Variants in SPDYE3 observed in about 807,000 individuals in gnomAD.
SPDYE3 encodes speedy protein E3.
SPDYE3 carries 15 observed loss-of-function variants against 55.0 expected under a neutral mutation model. The observed-to-expected ratio is 0.27, with a 90% CI of 0.18 to 0.42. The LOEUF (loss-of-function observed/expected upper bound fraction) is 0.42. Among genes scored for constraint, SPDYE3 ranks in the 10% least tolerant of loss-of-function variants. SPDYE3 has a pLI of 1.00. For missense variants in SPDYE3, 236 were observed against 576.7 expected, an observed-to-expected ratio of 0.41 and a Z score of 6.05; for synonymous variants, 89 against 229.9, an observed-to-expected ratio of 0.39 and a Z score of 5.55.
intron 8 of SPDYE3, among the ~76,000 whole-genome samples, chr7:100,317,975 C>CAA (rs1159920205): frequency 1.6e-3 from 68 of 43,412 alleles, no homozygotes; most frequent in African/African-American, 3.8e-3. Context: ...GACTCCGTCT[C>CAA]AAAAAAAAAA....
chr7:100,316,933 CAT>C, intron 7 of SPDYE3, 135 bp from the exon 8 acceptor site: 1 of 1,211,374 alleles, frequency 8.3e-7, no homozygotes, highest in Non-Finnish European at 1.2e-6. Context: ...GCAATTTCCA[CAT>C]GAGCACAGTC....
intron 3 of SPDYE3, among the ~76,000 whole-genome samples, chr7:100,311,526 C>T (rs1193821208): frequency 2.2e-5 from 3 of 138,242 alleles, no homozygotes; most frequent in Non-Finnish European, 4.7e-5. Flanking sequence ...AGCCAGGGAC[C>T]AGGGAAGGAT....
At chr7:100,316,025 G>A (rs1450003309) in intron 7 of SPDYE3, among the ~76,000 whole-genome samples, 182 bp downstream of exon 7, 1 of 151,974 alleles carries the variant, frequency 6.6e-6, no homozygotes, top group Non-Finnish European at 1.5e-5. Flanking sequence ...AGGCTGGAGG[G>A]CAGTGTCTCG....
rs1291745274 is a variant in SPDYE3 at position 100,307,770 on chromosome 7, C to T, written c.-116C>T. On this transcript the variant is annotated 5_prime_UTR_variant, in exon 1 of 11. Coordinates refer to ENST00000332397, the MANE Select transcript of SPDYE3 (RefSeq NM_001004351.5). ...CAGAGCTGTTCTCCACTCCTGACTT[C>T]TCCCAGCCTCGAGAATTGATAACAC... 9 of 1,428,358 alleles carry T rather than the reference C, an allele frequency of 6.3e-6. No individual in the cohort carries two copies. Among genetic ancestry groups the T allele is most frequent in the Non-Finnish European group, 8.3e-6 (9 of 1,081,468 alleles). The allele number at this position is 1,428,358 out of a possible 1,614,324, so 88.5% of individuals were successfully genotyped here.
At chr7:100,311,458 C>G (rs1416923677) in intron 3 of SPDYE3, among the ~76,000 whole-genome samples, 3 of 134,482 alleles carry the variant, frequency 2.2e-5, no homozygotes, top group Non-Finnish European at 4.8e-5. Context: ...TACACTCCAG[C>G]CTGGGTGACA....
intron 1 of SPDYE3, 67 bp downstream of exon 1, chr7:100,308,058 G>C (rs1393475731): frequency 1.3e-6 from 2 of 1,485,636 alleles, no homozygotes; most frequent in African/African-American, 2.8e-5. Flanking sequence ...GGCCAGGTGC[G>C]GTAGCTCACC....
chr7:100,316,620 C>G (rs1232174626), intron 7 of SPDYE3, among the ~76,000 whole-genome samples: 2 of 152,174 alleles, frequency 1.3e-5, no homozygotes, highest in Admixed American at 6.5e-5. Flanking sequence ...TTGTCAGCAT[C>G]TCCCTCAGGA....
chr7:100,319,918 T>C lies in SPDYE3; in HGVS notation c.1591-13T>C. 1 of 1,612,850 alleles carries C rather than the reference T, an allele frequency of 6.2e-7. No homozygotes were observed. The highest frequency in any genetic ancestry group is 1.1e-5 in the South Asian group (1 of 91,028). The stretch of plus-strand genomic sequence containing the variant: ...GGAGTCCCCGTCTTCTCAAAGCGCA[T>C]TTGTTTTTCCAGATCCAGGCTTATG... On this transcript the variant is annotated splice_polypyrimidine_tract_variant and intron_variant, in intron 9 of 10. Transcript: ENST00000332397.
At chr7:100,308,552 T>C (rs1805883209) in intron 1 of SPDYE3, among the ~76,000 whole-genome samples, 1 of 151,234 alleles carries the variant, frequency 6.6e-6, no homozygotes, top group African/African-American at 2.4e-5. Flanking sequence ...CTACTAAAAG[T>C]ACAAAATTGA....
intron 7 of SPDYE3, 41 bp downstream of exon 7, chr7:100,315,884 C>T (rs773009988): frequency 8.1e-5 from 130 of 1,598,234 alleles, no homozygotes; most frequent in Non-Finnish European, 1.0e-4. Flanking sequence ...TGTTCTAACG[C>T]ACGGCCAGGG....
intron 10 of SPDYE3, 142 bp downstream of exon 10, chr7:100,320,177 G>T: frequency 6.8e-7 from 1 of 1,473,650 alleles, no homozygotes; most frequent in Non-Finnish European, 9.0e-7. Context: ...AATTAGCCAG[G>T]CGATGTGGGA....
rs1002983437 is a variant in SPDYE3, at chr7:100,308,003, G to A, written c.106+12G>A. Reference sequence around the variant, plus strand: ...GTCGGGACCATCAGGTGAGGGGACTGGAGGAAGAAGAGGTGGCATAGGATT... The same window carrying A: ...GTCGGGACCATCAGGTGAGGGGACTAGAGGAAGAAGAGGTGGCATAGGATT... On this transcript the variant is annotated intron_variant, in intron 1 of 10. Transcript: ENST00000332397. 1.9e-6 allele frequency: 3 copies of A among 1,541,600 alleles called. No individual in the cohort carries two copies. Among genetic ancestry groups the A allele is most frequent in the African/African-American group, 2.7e-5 (2 of 73,348 alleles).
intron 1 of SPDYE3, among the ~76,000 whole-genome samples, chr7:100,308,415 T>TG (rs1805880331): frequency 6.9e-6 from 1 of 144,856 alleles, no homozygotes; most frequent in South Asian, 2.2e-4. Context: ...GTGGGAAGAA[T>TG]GGAGAAATTC....
In SPDYE3 at chr7:100,319,937, G is replaced by T; in HGVS notation, c.1597G>T (p.Ala533Ser). The T allele has an allele frequency of 1.9e-6, 3 of 1,612,364 alleles. No homozygotes were observed. Among genetic ancestry groups the T allele is most frequent in the Non-Finnish European group, 2.5e-6 (3 of 1,180,000 alleles). Reference protein sequence around the residue: ...VSPEELEEIQAYDPEHWVWAR... With the variant: ...VSPEELEEIQSYDPEHWVWAR... ...AGCGCATTTGTTTTTCCAGATCCAG[G>T]CTTATGACCCAGAGCACTGGGTGTG... Residue 533 changes from alanine to serine, a missense_variant, in exon 10 of 11, where the codon GCT (alanine) becomes TCT (serine). Ala to Ser is a moderately conservative substitution (Grantham distance 99). Transcript: ENST00000332397.
chr7:100,316,819 C>G (rs1222172189), intron 7 of SPDYE3, among the ~76,000 whole-genome samples: 3 of 152,098 alleles, frequency 2.0e-5, no homozygotes, highest in Admixed American at 1.3e-4. Flanking sequence ...TAGACACACC[C>G]CCTCCAAAGA....
rs957403380 is a variant in SPDYE3, at chr7:100,321,790, C to G, written c.*945C>G. On this transcript the variant is annotated 3_prime_UTR_variant, in exon 11 of 11. Transcript: ENST00000332397. ...ATTGATTTATTTCGAAAAAGATGGG[C>G]AAAGAATTATTTAAATATTATTTTA... is the stretch of plus-strand genomic sequence containing the variant. The G allele has an allele frequency of 3.1e-5, 4 of 127,962 alleles. No homozygotes were observed. Among genetic ancestry groups the G allele is most frequent in the Non-Finnish European group, 6.7e-5 (4 of 59,534 alleles). 7.9% of individuals were successfully genotyped at this position (127,962 alleles called of 1,614,324 possible). A position where few individuals can be genotyped will look rare whatever the true frequency, so the allele number is the denominator to read the frequency against.
At position 100,308,665 on chromosome 7, in the gene SPDYE3, T is replaced by C. The variant is rs1224352080; in HGVS notation, c.107-309T>C. On this transcript the variant is annotated intron_variant, in intron 1 of 10. Coordinates refer to ENST00000332397, the MANE Select transcript of SPDYE3 (RefSeq NM_001004351.5). ...TGGATGTTGCAGTGAGCTGAGATTG[T>C]ACCACTACACTCCAGCCTGGGTGAC... Among the ~76,000 whole-genome samples the C allele has an allele frequency of 2.0e-3, 298 of 150,046 alleles. 4 individuals are homozygous for C. The highest frequency in any genetic ancestry group is 6.5e-3 in the African/African-American group (264 of 40,354).
chr7:100,308,332 A>G (rs1805877245), intron 1 of SPDYE3, among the ~76,000 whole-genome samples: 1 of 143,802 alleles, frequency 7.0e-6, no homozygotes, highest in African/African-American at 2.5e-5. Flanking sequence ...CGCTGTCTCA[A>G]AAAAAAAAAA....
At chr7:100,315,660 T>A in intron 6 of SPDYE3, 125 bp from the exon 7 acceptor site, 1 of 1,479,416 alleles carries the variant, frequency 6.8e-7, no homozygotes, top group South Asian at 1.1e-5. Context: ...CCCTCTCCCA[T>A]CCACCTCACC....
Sources: gnomAD v4.1 joint callset for allele counts (sites outside exome capture counted in the v4.1 genomes callset) on GRCh38, gnomAD v4.1.1 for gene constraint, MANE v1.5 for transcripts, NCBI Gene and HGNC (gene_info 2026-07-23, HGNC 2026-07-21) for gene names.